OCLN: variants seen among roughly 807,000 people sequenced by gnomAD.
OCLN encodes the protein occludin, also known as phosphatase 1, regulatory subunit 115.
OCLN carries 21 observed loss-of-function variants against 47.9 expected under a neutral mutation model. That is an observed-to-expected ratio of 0.44 (90% CI 0.31 to 0.63). The LOEUF (loss-of-function observed/expected upper bound fraction) is 0.63. Ranked by LOEUF, OCLN falls within the 30% of genes least tolerant of loss-of-function variation. OCLN has a pLI of 0.08. For synonymous variants in OCLN, 117 were observed against 198.4 expected (o/e 0.59, Z 3.45); for missense variants, 360 against 571.0 (o/e 0.63, Z 3.77).
chr5:69,500,823 T>C (rs530282918), intron 1 of OCLN, among the ~76,000 whole-genome samples: 9 of 152,308 alleles, frequency 5.9e-5, no homozygotes, highest in African/African-American at 2.2e-4. Context: ...TAATTTAGAG[T>C]TTCCAAAACT....
chr5:69,534,071 G>T (rs1769523674), intron 4 of OCLN, among the ~76,000 whole-genome samples: 1 of 147,786 alleles, frequency 6.8e-6, no homozygotes, highest in Non-Finnish European at 1.5e-5. Context: ...GTGATATATT[G>T]TGTAGGTTAT....
Position 69,509,198 on chromosome 5 carries a change from A to G in OCLN, c.108A>G (p.Arg36=), listed in dbSNP as rs758735008. The part of the protein sequence containing the change: ...NDIYGGEMHV[R]PMLSQPAYSF... ...TATATGGTGGAGAGATGCATGTTCG[A>G]CCAATGCTCTCTCAGCCAGCCTACT... Residue 36 remains arginine, a synonymous_variant, in exon 3 of 9, where the codon CGA becomes CGG. Transcript: ENST00000396442. 1 of 1,614,174 alleles carries G rather than the reference A, an allele frequency of 6.2e-7. No individual in the cohort carries two copies. The highest frequency in any genetic ancestry group is 8.5e-7 in the Non-Finnish European group (1 of 1,180,002).
intron 4 of OCLN, among the ~76,000 whole-genome samples, chr5:69,527,049 G>T (rs1031649309): frequency 6.6e-6 from 1 of 152,088 alleles, no homozygotes; most frequent in Admixed American, 6.6e-5. Context: ...AGGCCGAGGC[G>T]GGCGGATCAC....
In OCLN at chr5:69,554,542, G is replaced by C. The variant is rs1246745561; in HGVS notation, c.*871G>C. The C allele has an allele frequency of 6.6e-6, 1 of 151,748 alleles. No individual in the cohort carries two copies. The highest frequency in any genetic ancestry group is 1.5e-5 in the Non-Finnish European group (1 of 67,980). 9.4% of individuals were successfully genotyped at this position (151,748 alleles called of 1,614,324 possible). A position where few individuals can be genotyped will look rare whatever the true frequency, so the allele number is the denominator to read the frequency against. On this transcript the variant is annotated 3_prime_UTR_variant, in exon 9 of 9. Transcript: ENST00000396442. Reference sequence around the variant, plus strand: ...TCAATTTCTATACATATTTTATAAGGTATTAAACCTGGTGTTTTCTTTCCA... The same window carrying C: ...TCAATTTCTATACATATTTTATAAGCTATTAAACCTGGTGTTTTCTTTCCA...
rs899798595 is a variant in OCLN, at chr5:69,509,502, A to T, written c.412A>T (p.Lys138Ter). 1 of 1,614,088 alleles carries T rather than the reference A, an allele frequency of 6.2e-7. No individual in the cohort carries two copies. The highest frequency in any genetic ancestry group is 8.5e-7 in the Non-Finnish European group (1 of 1,180,038). The change falls in exon 3 of 9, where the codon AAG (lysine) becomes TAG (stop). Residue 138 changes from lysine (K) to a stop codon, truncating the protein, a stop_gained. Transcript: ENST00000396442. LOFTEE classifies it high-confidence loss of function. ...YGGYTDPRAA[K>*]GFMLAMAAFC... ...AGGCTATACAGACCCAAGAGCAGCAAAGGGCTTCATGTTGGCCATGGCTGC... is the reference window on the plus strand; with the variant it reads ...AGGCTATACAGACCCAAGAGCAGCATAGGGCTTCATGTTGGCCATGGCTGC...
Position 69,514,077 on chromosome 5 carries a change from T to G in OCLN, c.859T>G (p.Tyr287Asp). Residue 287 changes from tyrosine (Y) to aspartate (D), a missense_variant, in exon 4 of 9, where the codon TAT (tyrosine) becomes GAT (aspartate). This residue lies in a region of OCLN where 314 missense variants were observed against 368.1 expected (regional missense o/e 0.85). Coordinates refer to ENST00000396442, the MANE Select transcript of OCLN (RefSeq NM_001205254.2). ...TATTTTGTGGGACAAGGAACACATTTATGATGAGCAGCCCCCCAATGTCGA... is the reference window on the plus strand; with the variant it reads ...TATTTTGTGGGACAAGGAACACATTGATGATGAGCAGCCCCCCAATGTCGA... ...SNILWDKEHI[Y>D]DEQPPNVEEW... 1 of 1,614,176 alleles carries G rather than the reference T, an allele frequency of 6.2e-7. No individual in the cohort carries two copies. The highest frequency in any genetic ancestry group is 8.5e-7 in the Non-Finnish European group (1 of 1,179,998).
chr5:69,536,408 C>T (rs1405596412), intron 5 of OCLN, among the ~76,000 whole-genome samples: 2 of 137,988 alleles, frequency 1.4e-5, no homozygotes, highest in Non-Finnish European at 3.1e-5. Flanking sequence ...CAGTGGCTCA[C>T]GCCTGTAATC....
chr5:69,499,621 C>T (rs946076970), intron 1 of OCLN, among the ~76,000 whole-genome samples: 17 of 151,746 alleles, frequency 1.1e-4, no homozygotes, highest in African/African-American at 3.4e-4. Flanking sequence ...AGTCTCGCTC[C>T]GTCGCCAGGC....
At chr5:69,529,022 G>T (rs1487053743) in intron 4 of OCLN, among the ~76,000 whole-genome samples, 8 of 152,206 alleles carry the variant, frequency 5.3e-5, no homozygotes, top group Non-Finnish European at 8.8e-5. Context: ...TCTAAGTGGG[G>T]ATAAGTGTTT....
At chr5:69,520,662 C>G (rs1769111218) in intron 4 of OCLN, among the ~76,000 whole-genome samples, 1 of 151,908 alleles carries the variant, frequency 6.6e-6, no homozygotes, top group African/African-American at 2.4e-5. Flanking sequence ...GCTCATACTC[C>G]CTTAAATTTT....
chr5:69,533,032 CACACATGTATATAT>C (rs1218972251), intron 4 of OCLN, among the ~76,000 whole-genome samples: 1 of 118,598 alleles, frequency 8.4e-6, no homozygotes, highest in Non-Finnish European at 1.7e-5. Flanking sequence ...TGTATACACA[CACACATGTATATAT>C]ACACATATAT....
intron 1 of OCLN, among the ~76,000 whole-genome samples, chr5:69,496,131 C>T (rs1293033274): frequency 2.0e-5 from 3 of 149,428 alleles, no homozygotes; most frequent in Admixed American, 6.7e-5. Context: ...GACAGAGTCT[C>T]GCTGTCTCCC....
intron 2 of OCLN, among the ~76,000 whole-genome samples, chr5:69,506,166 C>T (rs1768593985): frequency 6.6e-6 from 1 of 152,168 alleles, no homozygotes; most frequent in South Asian, 2.1e-4. Context: ...TTACAAAAGC[C>T]AGGTGTGGTG....
At chr5:69,520,116 G>A (rs894000034) in intron 4 of OCLN, among the ~76,000 whole-genome samples, 10 of 151,994 alleles carry the variant, frequency 6.6e-5, no homozygotes, top group African/African-American at 7.3e-5. Context: ...CTGCCACCAT[G>A]TGCAGCTACT....
At chr5:69,533,574 T>C (rs1324417804) in intron 4 of OCLN, among the ~76,000 whole-genome samples, 1 of 152,220 alleles carries the variant, frequency 6.6e-6, no homozygotes, top group Non-Finnish European at 1.5e-5. Context: ...TTCATTTTAA[T>C]GCCTCTCCGG....
intron 4 of OCLN, among the ~76,000 whole-genome samples, chr5:69,516,430 G>T (rs1284941445): frequency 1.3e-5 from 2 of 152,112 alleles, no homozygotes; most frequent in Non-Finnish European, 2.9e-5. Flanking sequence ...AGGCTGCAGT[G>T]AGCCGAGATG....
chr5:69,520,230 A>C (rs111743529), intron 4 of OCLN, among the ~76,000 whole-genome samples: 46 of 151,550 alleles, frequency 3.0e-4, no homozygotes, highest in African/African-American at 1.0e-3. Flanking sequence ...AAGTGCTAGG[A>C]TTATAGGCGT....
At position 69,514,054 on chromosome 5, in the gene OCLN, T is replaced by A. The variant is rs1419174832; in HGVS notation, c.836T>A (p.Ile279Asn). The A allele has an allele frequency of 6.2e-7, 1 of 1,614,030 alleles. No individual in the cohort carries two copies. The highest frequency in any genetic ancestry group is 2.2e-5 in the East Asian group (1 of 44,890). Residue 279 changes from isoleucine to asparagine, a missense_variant, in exon 4 of 9, where the codon ATT (isoleucine) becomes AAT (asparagine). Physicochemically the swap from Ile to Asn is moderately radical, Grantham distance 149. This residue lies in a region of OCLN where 314 missense variants were observed against 368.1 expected (regional missense o/e 0.85). Transcript: ENST00000396442. ...ATGGACAGGTATGACAAGTCCAATA[T>A]TTTGTGGGACAAGGAACACATTTAT... ...RKMDRYDKSNILWDKEHIYDE... is the reference protein window; with the variant it reads ...RKMDRYDKSNNLWDKEHIYDE...
At chr5:69,515,017 C>T (rs560531329) in intron 4 of OCLN, among the ~76,000 whole-genome samples, 3 of 152,284 alleles carry the variant, frequency 2.0e-5, no homozygotes, top group Admixed American at 2.0e-4. Context: ...GTCATCATGG[C>T]CCTTTCTCAA....
Sources: allele counts gnomAD v4.1 joint callset (sites outside exome capture counted in the v4.1 genomes callset), GRCh38; gene constraint gnomAD v4.1.1; regional missense constraint gnomAD v4.1.1; transcripts MANE v1.5; gene names NCBI Gene and HGNC (gene_info 2026-07-23, HGNC 2026-07-21).